SAMHD1: variants seen among roughly 807,000 people sequenced by gnomAD.
SAMHD1 encodes deoxynucleoside triphosphate triphosphohydrolase SAMHD1.
In SAMHD1, 54 loss-of-function variants were observed where a neutral mutation model predicts 79.6. The ratio of observed to expected loss-of-function variants is 0.68; its 90% CI spans 0.55 to 0.85. The LOEUF (loss-of-function observed/expected upper bound fraction) is 0.85. Among genes scored for constraint, SAMHD1 ranks in the 40% least tolerant of loss-of-function variants. The probability of loss-of-function intolerance (pLI) is 0.00; values close to 1 mark genes in which losing one functional copy is unlikely to be tolerated. For missense variants in SAMHD1, 663 were observed against 782.7 expected (o/e 0.85, Z 1.82); for synonymous variants, 260 against 264.1 (o/e 0.98, Z 0.15).
At position 36,919,378 on chromosome 20, in the gene SAMHD1, C is replaced by T; in HGVS notation, c.838G>A (p.Val280Ile). The change falls in exon 7 of 16, where the codon GTC becomes ATC. Residue 280 changes from valine to isoleucine, a missense_variant. Physicochemically the swap from Val to Ile is conservative, Grantham distance 29 (BLOSUM62 3). Transcript: ENST00000646673. ...EQIVGPLESP[V>I]EDSLWPYKGR... Reference sequence around the variant, plus strand: ...CATAAACTTACCAATGAATCTTCGACAGGTGATTCAAGTGGTCCTACAATT... The same window carrying T: ...CATAAACTTACCAATGAATCTTCGATAGGTGATTCAAGTGGTCCTACAATT... The T allele has an allele frequency of 6.2e-7, 1 of 1,613,550 alleles. No individual in the cohort carries two copies. The highest frequency in any genetic ancestry group is 1.1e-5 in the South Asian group (1 of 91,058).
intron 2 of SAMHD1, among the ~76,000 whole-genome samples, chr20:36,941,974 G>A (rs2063647322): frequency 6.6e-6 from 1 of 152,180 alleles, no homozygotes; most frequent in South Asian, 2.1e-4. Flanking sequence ...GTAAAGCCAG[G>A]CTTTCAGAAG....
chr20:36,919,381 G>A lies in SAMHD1; in HGVS notation c.835C>T (p.Pro279Ser), dbSNP rs376138886. 3 of 1,613,386 alleles carry A rather than the reference G, an allele frequency of 1.9e-6. No homozygotes were observed. Among genetic ancestry groups the A allele is most frequent in the Non-Finnish European group, 2.5e-6 (3 of 1,179,644 alleles). The change falls in exon 7 of 16, where the codon CCT becomes TCT. Residue 279 changes from proline (P) to serine (S), a missense_variant. Pro to Ser is a moderately conservative substitution (Grantham distance 74, BLOSUM62 -1). Transcript: ENST00000646673. ...AAACTTACCAATGAATCTTCGACAG[G>A]TGATTCAAGTGGTCCTACAATTTGT... ...KEQIVGPLES[P>S]VEDSLWPYKG... is the part of the protein sequence containing the mutation.
intron 15 of SAMHD1, among the ~76,000 whole-genome samples, chr20:36,895,923 G>T (rs1990189166): frequency 6.6e-6 from 1 of 152,004 alleles, no homozygotes; most frequent in African/African-American, 2.4e-5. Context: ...AAACAATACA[G>T]TATTAACAAC....
rs2148365673 is a variant in SAMHD1, at chr20:36,912,448, T to C, written c.1154+13A>G. The C allele has an allele frequency of 1.9e-6, 3 of 1,568,190 alleles. No homozygotes were observed. The highest frequency in any genetic ancestry group is 2.6e-6 in the Non-Finnish European group (3 of 1,138,444). ...GGAAAATTTTATAGGGAAATGACAATCAAGTTTCTTACATTGTATCAATAA... is the reference window on the plus strand; with the variant it reads ...GGAAAATTTTATAGGGAAATGACAACCAAGTTTCTTACATTGTATCAATAA... On this transcript the variant is annotated intron_variant, in intron 10 of 15. Coordinates refer to ENST00000646673, the MANE Select transcript of SAMHD1 (RefSeq NM_015474.4).
downstream of SAMHD1, chr20:36,889,981 T>C (rs1209045837): frequency 1.3e-5 from 2 of 152,142 alleles, no homozygotes; most frequent in Admixed American, 6.6e-5. Flanking sequence ...TGATTTTAAC[T>C]TACAGAATAT....
intron 4 of SAMHD1, among the ~76,000 whole-genome samples, chr20:36,932,507 G>A (rs1303636931): frequency 7.2e-6 from 1 of 138,730 alleles, no homozygotes; most frequent in Admixed American, 7.5e-5. Flanking sequence ...CCAGGCTGGA[G>A]TGCACTGGCC....
chr20:36,894,762 G>A (rs911642853), intron 15 of SAMHD1, among the ~76,000 whole-genome samples: 2 of 151,842 alleles, frequency 1.3e-5, no homozygotes, highest in African/African-American at 4.8e-5. Context: ...GCAAGACTCT[G>A]TCTCAAAAAA....
chr20:36,892,552 G>T lies in SAMHD1; in HGVS notation c.*380C>A, dbSNP rs971175812. 4 of 271,874 alleles carry T rather than the reference G, an allele frequency of 1.5e-5. No homozygotes were observed. In the Admixed American group the frequency reaches 2.0e-4, roughly 14 times the overall value. The allele number at this position is 271,874 out of a possible 1,614,324, so 16.8% of individuals were successfully genotyped here. On this transcript the variant is annotated 3_prime_UTR_variant, in exon 16 of 16. Transcript: ENST00000646673. ...ATGACTTTAGTCCCAGCTACTTGGG[G>T]GGCTGAGGCAGGAGGGTCGCTTGAG...
At chr20:36,938,367 C>T (rs6102884) in intron 3 of SAMHD1, among the ~76,000 whole-genome samples, 1,676 of 151,922 alleles carry the variant, frequency 0.011, 51 homozygotes, top group African/African-American at 0.038. Flanking sequence ...TGGTGAAACC[C>T]CGTCTCTACT....
chr20:36,913,911 G>C (rs1015365297), intron 9 of SAMHD1, among the ~76,000 whole-genome samples: 2 of 151,618 alleles, frequency 1.3e-5, no homozygotes, highest in Non-Finnish European at 2.9e-5. Flanking sequence ...ATGCTACCAC[G>C]CCTGGCTAAT....
chr20:36,948,818 G>A (rs2063712312), intron 1 of SAMHD1, among the ~76,000 whole-genome samples: 1 of 138,856 alleles, frequency 7.2e-6, no homozygotes, highest in Non-Finnish European at 1.5e-5. Flanking sequence ...AGTGAGCCGA[G>A]ATCACACCAC....
chr20:36,950,073 T>C (rs573725943), intron 1 of SAMHD1, among the ~76,000 whole-genome samples: 12 of 152,222 alleles, frequency 7.9e-5, no homozygotes, highest in Admixed American at 3.9e-4. Flanking sequence ...AGCTAAGACA[T>C]GAGCAATTGG....
chr20:36,927,529 C>T (rs953362104), intron 5 of SAMHD1, among the ~76,000 whole-genome samples: 13 of 152,022 alleles, frequency 8.6e-5, no homozygotes, highest in Middle Eastern at 3.4e-3. Flanking sequence ...GTTGGTCAGG[C>T]TGGTCTCGAA....
intron 12 of SAMHD1, 23 bp downstream of exon 12, chr20:36,905,341 T>C: frequency 6.2e-7 from 1 of 1,613,570 alleles, no homozygotes; most frequent in Non-Finnish European, 8.5e-7. Context: ...CTTTCACTAA[T>C]GGAAAGATGC....
rs71186089 is a variant in SAMHD1 at position 36,912,889 on chromosome 20, G to GTTTTTTTTTTTTTTTTTTTT, written c.1063-357_1063-338dup. ...TGTACCCAGCTAACTTTCATTCTTT[G>GTTTTTTTTTTTTTTTTTTTT]TTTTTTTTTTTTTTTTTTTTTTTTT... is the stretch of plus-strand genomic sequence containing the variant. On this transcript the variant is annotated intron_variant, in intron 9 of 15. Transcript: ENST00000646673. Among the ~76,000 whole-genome samples, 7 of 41,104 alleles carry GTTTTTTTTTTTTTTTTTTTT rather than the reference G, an allele frequency of 1.7e-4. 2 individuals carry two copies. Among genetic ancestry groups the GTTTTTTTTTTTTTTTTTTTT allele is most frequent in the African/African-American group, 3.1e-4 (3 of 9,534 alleles). 27.0% of individuals were successfully genotyped at this position (41,104 alleles called of 152,430 possible).
intron 4 of SAMHD1, among the ~76,000 whole-genome samples, chr20:36,933,237 T>G (rs2063578816): frequency 6.6e-6 from 1 of 152,190 alleles, no homozygotes. Flanking sequence ...AGACTGTCTA[T>G]TCTTCCCTGT....
chr20:36,902,905 T>G (rs1049316076), intron 13 of SAMHD1, among the ~76,000 whole-genome samples: 1 of 151,702 alleles, frequency 6.6e-6, no homozygotes, highest in Non-Finnish European at 1.5e-5. Flanking sequence ...ACCTGGCTGA[T>G]TTTTTGTATT....
At chr20:36,948,717 A>G (rs1161912860) in intron 1 of SAMHD1, among the ~76,000 whole-genome samples, 1 of 133,948 alleles carries the variant, frequency 7.5e-6, no homozygotes, top group Non-Finnish European at 1.6e-5. Context: ...AAATACAAAA[A>G]TTAGCCAGGT....
chr20:36,951,393 C>G, intron 1 of SAMHD1, 43 bp downstream of exon 1: 1 of 1,609,936 alleles, frequency 6.2e-7, no homozygotes, highest in Non-Finnish European at 8.5e-7. Flanking sequence ...GCCCGCGCCC[C>G]AGGTCGCCGC....
Sources: gnomAD v4.1 joint callset for allele counts (sites outside exome capture counted in the v4.1 genomes callset) on GRCh38, gnomAD v4.1.1 for gene constraint, MANE v1.5 for transcripts, NCBI Gene and HGNC (gene_info 2026-07-23, HGNC 2026-07-21) for gene names.